Variants in ABRAXAS1 observed in about 807,000 individuals in gnomAD.
The protein encoded by ABRAXAS1 is abraxas 1, BRCA1 A complex subunit, also known as BRCA1-A complex subunit Abraxas 1.
ABRAXAS1 carries 26 observed loss-of-function variants against 38.4 expected under a neutral mutation model. That is an observed-to-expected ratio of 0.68 (90% CI 0.50 to 0.94). The LOEUF is 0.94. ABRAXAS1 is among the 40% of genes least tolerant of loss of function. The probability of loss-of-function intolerance (pLI) is 0.00; values close to 1 mark genes in which losing one functional copy is unlikely to be tolerated. For synonymous variants in ABRAXAS1, 144 were observed against 165.5 expected (o/e 0.87, Z 1.00); for missense variants, 438 against 481.9 (o/e 0.91, Z 0.85).
At chr4:83,472,109 G>T in intron 4 of ABRAXAS1, 113 bp downstream of exon 4, 1 of 578,758 alleles carries the variant, frequency 1.7e-6, no homozygotes, top group Non-Finnish European at 3.0e-6. Flanking sequence ...TTACTTTACA[G>T]GATACTATGA....
rs974848165 is a variant in ABRAXAS1, at chr4:83,477,681, G to A, written c.179-1002C>T. On this transcript the variant is annotated intron_variant, in intron 2 of 8. Transcript: ENST00000321945. Reference sequence around the variant, plus strand: ...GTTCAAGGCCAAAGCATTGATGTCCGTTTCAAAGAAACAAAATATAGACGG... The same window carrying A: ...GTTCAAGGCCAAAGCATTGATGTCCATTTCAAAGAAACAAAATATAGACGG... 2.3e-5 allele frequency: 13 copies of A among 573,112 alleles called. 1 individual carries two copies. The highest frequency in any genetic ancestry group is 1.2e-4 in the South Asian group (8 of 69,156). 35.5% of individuals were successfully genotyped at this position (573,112 alleles called of 1,614,324 possible).
Position 83,463,480 on chromosome 4 carries a change from T to A in ABRAXAS1, c.796+14A>T. 1 of 1,516,332 alleles carries A rather than the reference T, an allele frequency of 6.6e-7. No homozygotes were observed. Among genetic ancestry groups the A allele is most frequent in the Middle Eastern group, 2.3e-4 (1 of 4,292 alleles). The allele number at this position is 1,516,332 out of a possible 1,614,324, so 93.9% of individuals were successfully genotyped here. On this transcript the variant is annotated intron_variant, in intron 8 of 8. Coordinates refer to ENST00000321945, the MANE Select transcript of ABRAXAS1 (RefSeq NM_139076.3). ...ATTTTTAGCACAGAAAGTAGAGATG[T>A]GTTGTTTACTTACTTGCTGCCTGAA...
At chr4:83,465,273 C>A (rs577328078) in intron 7 of ABRAXAS1, among the ~76,000 whole-genome samples, 1 of 135,848 alleles carries the variant, frequency 7.4e-6, no homozygotes, top group Non-Finnish European at 1.5e-5. Context: ...GCACTCCAGT[C>A]CAGGCGACAC....
Position 83,485,084 on chromosome 4 carries a change from C to A in ABRAXAS1, c.-12G>T. On this transcript the variant is annotated 5_prime_UTR_variant, in exon 1 of 9. The change creates a new upstream start codon in the 5' untranslated region. Coordinates refer to ENST00000321945, the MANE Select transcript of ABRAXAS1 (RefSeq NM_139076.3). ...CTCTCCCCCTCCATGCTACCGCCGC[C>A]TCAGGCTACACAAGAGGACGAGGGC... is the stretch of plus-strand genomic sequence containing the variant. 6.3e-7 allele frequency: 1 copy of A among 1,584,386 alleles called. No homozygotes were observed.
At chr4:83,481,131 C>CA (rs796921816) in intron 2 of ABRAXAS1, among the ~76,000 whole-genome samples, 90 of 127,738 alleles carry the variant, frequency 7.0e-4, no homozygotes, top group Middle Eastern at 8.4e-3. Context: ...GACTCTGCCT[C>CA]AAAAAAAAAA....
intron 3 of ABRAXAS1, among the ~76,000 whole-genome samples, chr4:83,474,180 T>A (rs112488014): frequency 1.3e-5 from 2 of 148,878 alleles, no homozygotes; most frequent in African/African-American, 5.1e-5. Flanking sequence ...AATAAATAAA[T>A]AAAATCTCTA....
chr4:83,465,297 C>T (rs59707680), intron 7 of ABRAXAS1, among the ~76,000 whole-genome samples: 1,207 of 40,256 alleles, frequency 0.03, 25 homozygotes, highest in African/African-American at 0.11. Context: ...GAGACTCTGT[C>T]TCAAAAAAAA....
chr4:83,461,344 C>T lies in ABRAXAS1; in HGVS notation c.*1125G>A. ...CCCCTTCATACCAATGTCCATTAAG[C>T]AGATTGCTTATTTAAAATGTTAACA... On this transcript the variant is annotated 3_prime_UTR_variant, in exon 9 of 9. Coordinates refer to ENST00000321945, the MANE Select transcript of ABRAXAS1 (RefSeq NM_139076.3). The T allele has an allele frequency of 1.6e-6, 1 of 642,200 alleles. No individual in the cohort carries two copies. The highest frequency in any genetic ancestry group is 2.7e-5 in the East Asian group (1 of 36,966). The allele number at this position is 642,200 out of a possible 1,614,324, so 39.8% of individuals were successfully genotyped here.
Position 83,459,797 on chromosome 4 carries a change from G to C in ABRAXAS1, c.*2672C>G. On this transcript the variant is annotated 3_prime_UTR_variant, in exon 9 of 9. Transcript: ENST00000321945. ...ATGCATTTATGGAAGGCACATTACA[G>C]GTATGTTCTTTTTTATTATGGGAAT... 6.3e-7 allele frequency: 1 copy of C among 1,594,086 alleles called. No homozygotes were observed. The highest frequency in any genetic ancestry group is 8.6e-7 in the Non-Finnish European group (1 of 1,166,238).
Position 83,483,899 on chromosome 4 carries a change from C to T in ABRAXAS1, c.87+1087G>A, listed in dbSNP as rs1723082810. On this transcript the variant is annotated intron_variant, in intron 1 of 8. Transcript: ENST00000321945. ...ACTACAGGTATTCCAAAATAATTTC[C>T]ACAGCTACACATATATTTTAAATGG... The T allele has an allele frequency of 6.0e-6, 3 of 497,350 alleles. No homozygotes were observed. In the South Asian group the frequency reaches 2.6e-4, roughly 43 times the overall value. The allele number at this position is 497,350 out of a possible 1,614,324, so 30.8% of individuals were successfully genotyped here.
At chr4:83,480,876 A>C (rs1274848631) in intron 2 of ABRAXAS1, among the ~76,000 whole-genome samples, 1 of 152,230 alleles carries the variant, frequency 6.6e-6, no homozygotes, top group Non-Finnish European at 1.5e-5. Context: ...CACGCCTGTC[A>C]TCCCAGCACT....
At chr4:83,484,780 G>C (rs955684758) in intron 1 of ABRAXAS1, 2 of 447,638 alleles carry the variant, frequency 4.5e-6, no homozygotes, top group Non-Finnish European at 8.0e-6. Flanking sequence ...GAGGATAGCA[G>C]AGGGAGGGCT....
In ABRAXAS1 at chr4:83,470,372, G is replaced by A. The variant is rs748680448; in HGVS notation, c.307C>T (p.Arg103Cys). The change falls in exon 5 of 9, where the codon CGT becomes TGT. Residue 103 changes from arginine (R) to cysteine (C), a missense_variant. Physicochemically the swap from Arg to Cys is radical, Grantham distance 180 (BLOSUM62 -3). Transcript: ENST00000321945. ...GTCATGATCTGATCTGAATGACGAC[G>A]GAATTTGTACCAACCTACCACATTC... ...KKNVVGWYKF[R>C]RHSDQIMTFR... 5.6e-6 allele frequency: 9 copies of A among 1,612,478 alleles called. 1 individual carries two copies. Among genetic ancestry groups the A allele is most frequent in the Admixed American group, 3.3e-5 (2 of 59,854 alleles).
chr4:83,470,752 A>G (rs928809286), intron 4 of ABRAXAS1, among the ~76,000 whole-genome samples: 4 of 152,222 alleles, frequency 2.6e-5, no homozygotes, highest in Non-Finnish European at 5.9e-5. Context: ...TTAAAAGGCA[A>G]TCCCTCCCTG....
At chr4:83,477,739 G>T (rs934601459) in intron 2 of ABRAXAS1, 2 of 652,686 alleles carry the variant, frequency 3.1e-6, no homozygotes, top group East Asian at 3.6e-5. Context: ...TCTATAAAGC[G>T]GAAGGTGTAT....
At position 83,470,209 on chromosome 4, in the gene ABRAXAS1, T is replaced by A; in HGVS notation, c.470A>T (p.Gln157Leu). 6.2e-7 allele frequency: 1 copy of A among 1,609,726 alleles called. No homozygotes were observed. Among genetic ancestry groups the A allele is most frequent in the East Asian group, 2.2e-5 (1 of 44,792 alleles). Residue 157 changes from glutamine (Q) to leucine (L), a missense_variant, in exon 5 of 9, where the codon CAA (glutamine) becomes CTA (leucine). Coordinates refer to ENST00000321945, the MANE Select transcript of ABRAXAS1 (RefSeq NM_139076.3). ...HRLEHSLYKP[Q>L]KGLFHRVPLV... Reference sequence around the variant, plus strand: ...GTGACTGGCCAACATTTACCCTTTTTGAGGTTTATATAAGGAATGTTCCAG... The same window carrying A: ...GTGACTGGCCAACATTTACCCTTTTAGAGGTTTATATAAGGAATGTTCCAG...
At chr4:83,468,591 A>G (rs1722466502) in intron 6 of ABRAXAS1, among the ~76,000 whole-genome samples, 1 of 152,220 alleles carries the variant, frequency 6.6e-6, no homozygotes, top group African/African-American at 2.4e-5. Flanking sequence ...TCACGCCTTT[A>G]ATCCGAACCA....
intron 3 of ABRAXAS1, among the ~76,000 whole-genome samples, chr4:83,474,671 G>A (rs1197916982): frequency 4.1e-5 from 6 of 146,482 alleles, no homozygotes; most frequent in Non-Finnish European, 8.9e-5. Context: ...CCGAGATTGC[G>A]CCACTGCACT....
In ABRAXAS1 at chr4:83,461,554, A is replaced by G; in HGVS notation, c.*915T>C. On this transcript the variant is annotated 3_prime_UTR_variant, in exon 9 of 9. Transcript: ENST00000321945. ...TATCTTCCCTTTGTAGAAATGTTACATTGGGATGGATAGTGGTGCTGTCAC... is the reference window on the plus strand; with the variant it reads ...TATCTTCCCTTTGTAGAAATGTTACGTTGGGATGGATAGTGGTGCTGTCAC... The G allele has an allele frequency of 3.1e-6, 1 of 322,730 alleles. No individual in the cohort carries two copies. Among genetic ancestry groups the G allele is most frequent in the South Asian group, 5.2e-5 (1 of 19,048 alleles). The allele number at this position is 322,730 out of a possible 1,614,324, so 20.0% of individuals were successfully genotyped here.
Sources: allele counts gnomAD v4.1 joint callset (sites outside exome capture counted in the v4.1 genomes callset), GRCh38; gene constraint gnomAD v4.1.1; transcripts MANE v1.5; gene names NCBI Gene and HGNC (gene_info 2026-07-23, HGNC 2026-07-21).